Variants in CTNNA2 observed in about 807,000 individuals in gnomAD.
CTNNA2 encodes catenin alpha-2.
Under a neutral mutation model 101.0 loss-of-function variants are expected in CTNNA2, and 42 were observed. That is an observed-to-expected ratio of 0.42 (90% CI 0.32 to 0.54). CTNNA2 has a LOEUF of 0.54. Ranked by LOEUF, CTNNA2 falls within the 20% of genes least tolerant of loss-of-function variation. The pLI is 0.14. For missense variants in CTNNA2, 871 were observed against 1,223.1 expected (o/e 0.71, Z 4.29); for synonymous variants, 450 against 456.4 (o/e 0.99, Z 0.18).
At chr2:80,382,921 G>A (rs1475171882) in intron 7 of CTNNA2, among the ~76,000 whole-genome samples, 1 of 152,202 alleles carries the variant, frequency 6.6e-6, no homozygotes, top group Admixed American at 6.5e-5. Flanking sequence ...TTCAGTTTGG[G>A]TATGTGTGTG....
intron 4 of CTNNA2, among the ~76,000 whole-genome samples, chr2:79,428,247 T>G (rs972809305): frequency 2.0e-5 from 3 of 152,122 alleles, no homozygotes; most frequent in African/African-American, 7.2e-5. Flanking sequence ...AAGGAGCAGT[T>G]TCCTTCTTGG....
chr2:79,394,217 C>T (rs1366024057), intron 4 of CTNNA2, among the ~76,000 whole-genome samples: 3 of 150,554 alleles, frequency 2.0e-5, no homozygotes, highest in Non-Finnish European at 2.9e-5. Context: ...TGTTTGTTTT[C>T]GTTTCTCTCT....
At chr2:79,753,608 A>G (rs1201855523) in intron 3 of CTNNA2, among the ~76,000 whole-genome samples, 1 of 152,184 alleles carries the variant, frequency 6.6e-6, no homozygotes, top group Non-Finnish European at 1.5e-5. Context: ...AGATATGACC[A>G]TGCCACCAAG....
At chr2:79,215,270 C>A (rs541306840) in intron 2 of CTNNA2, among the ~76,000 whole-genome samples, 1 of 152,248 alleles carries the variant, frequency 6.6e-6, no homozygotes, top group East Asian at 1.9e-4. Flanking sequence ...AGATTTCTGG[C>A]ACTTGTAGCA....
At position 80,484,751 on chromosome 2, in the gene CTNNA2, AATCCCAGCAC is replaced by A. The variant is rs1382531650; in HGVS notation, c.1291-60230_1291-60221del. 2.0e-5 allele frequency among the ~76,000 whole-genome samples: 3 copies of A among 152,304 alleles called. No homozygotes were observed. In the East Asian group the frequency reaches 5.8e-4, roughly 29 times the overall value. Reference sequence around the variant, plus strand: ...GCTGGGCGCAGTGACTCACACCTGTAATCCCAGCACTTTGGGAGGCCAAGGCGGGCGGATC... The same window carrying A: ...GCTGGGCGCAGTGACTCACACCTGTATTTGGGAGGCCAAGGCGGGCGGATC... On this transcript the variant is annotated intron_variant, in intron 9 of 18. Transcript: ENST00000402739.
chr2:80,346,461 C>T (rs1298502611), intron 7 of CTNNA2, among the ~76,000 whole-genome samples: 2 of 152,322 alleles, frequency 1.3e-5, no homozygotes, highest in East Asian at 3.9e-4. Context: ...ACAAGCCATT[C>T]ATGAGGGACC....
chr2:79,408,100 A>G (rs547729792), intron 4 of CTNNA2, among the ~76,000 whole-genome samples: 21 of 151,604 alleles, frequency 1.4e-4, no homozygotes, highest in Non-Finnish European at 2.7e-4. Flanking sequence ...GATGATTCCT[A>G]CTCTCTAACC....
At chr2:79,451,977 T>C (rs1164145166) in intron 4 of CTNNA2, among the ~76,000 whole-genome samples, 1 of 152,052 alleles carries the variant, frequency 6.6e-6, no homozygotes, top group Non-Finnish European at 1.5e-5. Flanking sequence ...AACTTTGGAA[T>C]GATTATTTCC....
chr2:80,228,309 C>A (rs1316918164), intron 7 of CTNNA2, among the ~76,000 whole-genome samples: 2 of 152,152 alleles, frequency 1.3e-5, no homozygotes, highest in African/African-American at 4.8e-5. Context: ...AGGGCTCATT[C>A]TCTGCTTCAT....
chr2:79,609,829 C>A (rs984155546), intron 1 of CTNNA2, among the ~76,000 whole-genome samples: 11 of 152,156 alleles, frequency 7.2e-5, no homozygotes, highest in African/African-American at 2.4e-4. Flanking sequence ...ACGATACAAT[C>A]GAAAACTCTA....
rs112915399 is a variant in CTNNA2, at chr2:80,271,452, C to T, written c.1057-121759C>T. 1.7e-3 allele frequency among the ~76,000 whole-genome samples: 249 copies of T among 149,004 alleles called. 2 individuals carry two copies. The highest frequency in any genetic ancestry group is 5.8e-3 in the African/African-American group (234 of 40,454). On this transcript the variant is annotated intron_variant, in intron 7 of 18. Coordinates refer to ENST00000402739, the MANE Select transcript of CTNNA2 (RefSeq NM_001282597.3). ...TTTTTTTTTTTCTGAGATGGAGTCT[C>T]GCTCTTTAGCTCAGGCTGGAGTGCA...
intron 7 of CTNNA2, among the ~76,000 whole-genome samples, chr2:80,120,341 G>A (rs1231965830): frequency 6.6e-6 from 1 of 152,158 alleles, no homozygotes; most frequent in Non-Finnish European, 1.5e-5. Context: ...TCTGAAGAGT[G>A]GTATTTGGAT....
Position 79,217,061 on chromosome 2 carries a change from G to A in CTNNA2, c.-406+18985G>A, listed in dbSNP as rs138289739. On this transcript the variant is annotated intron_variant, in intron 2 of 21. Coordinates refer to the CTNNA2 transcript ENST00000466387. The stretch of plus-strand genomic sequence containing the variant: ...AGAAAATGAAAGGAATTGAAATTAA[G>A]AGAAGGGAGAGATTGAAGGGTGGCG... Among the ~76,000 whole-genome samples, 829 of 152,340 alleles carry A rather than the reference G, an allele frequency of 5.4e-3. 9 individuals are homozygous for A. Among genetic ancestry groups the A allele is most frequent in the African/African-American group, 0.019 (799 of 41,576 alleles).
At chr2:79,224,857 A>G (rs1172847795) in intron 2 of CTNNA2, among the ~76,000 whole-genome samples, 3 of 151,432 alleles carry the variant, frequency 2.0e-5, no homozygotes, top group African/African-American at 4.8e-5. Context: ...CTGTATATAT[A>G]TGGACTTATA....
chr2:79,747,455 A>C (rs1172514282), intron 3 of CTNNA2, among the ~76,000 whole-genome samples: 1 of 152,208 alleles, frequency 6.6e-6, no homozygotes, highest in Non-Finnish European at 1.5e-5. Flanking sequence ...CCATCTTTGC[A>C]CTGAAGATAG....
At chr2:80,127,363 G>A (rs1165888078) in intron 7 of CTNNA2, among the ~76,000 whole-genome samples, 1 of 152,014 alleles carries the variant, frequency 6.6e-6, no homozygotes, top group Non-Finnish European at 1.5e-5. Context: ...ATGCCTTTTG[G>A]GGCAGAAGAA....
chr2:80,164,939 G>GTTTTTTTTTT (rs774573996), intron 7 of CTNNA2, among the ~76,000 whole-genome samples: 93 of 99,126 alleles, frequency 9.4e-4, no homozygotes, highest in African/African-American at 4.0e-3. Context: ...CCAACTTTTG[G>GTTTTTTTTTT]TTTTTTTTTT....
At chr2:80,472,698 G>A (rs563290151) in intron 9 of CTNNA2, among the ~76,000 whole-genome samples, 9 of 152,174 alleles carry the variant, frequency 5.9e-5, no homozygotes, top group East Asian at 1.9e-4. Context: ...ACCCAAGAAG[G>A]CCCATTTTTC....
At chr2:79,540,239 A>C (rs1673324050) in intron 1 of CTNNA2, among the ~76,000 whole-genome samples, 1 of 152,192 alleles carries the variant, frequency 6.6e-6, no homozygotes, top group Non-Finnish European at 1.5e-5. Flanking sequence ...GGCTGTGTTT[A>C]GGTACAACAC....
Sources: gnomAD v4.1 joint callset for allele counts (sites outside exome capture counted in the v4.1 genomes callset) on GRCh38, gnomAD v4.1.1 for gene constraint, MANE v1.5 for transcripts, NCBI Gene and HGNC (gene_info 2026-07-23, HGNC 2026-07-21) for gene names.